Variants in SCUBE1 observed in about 807,000 individuals in gnomAD.
The protein encoded by SCUBE1 is signal peptide, CUB domain and EGF like domain containing 1.
SCUBE1 carries 59 observed loss-of-function variants against 124.4 expected under a neutral mutation model. The ratio of observed to expected loss-of-function variants is 0.47; its 90% CI spans 0.38 to 0.59. The LOEUF is 0.59. Among genes scored for constraint, SCUBE1 ranks in the 20% least tolerant of loss-of-function variants. SCUBE1 has a pLI of 0.00. For missense variants in SCUBE1, 1,150 were observed against 1,371.2 expected (o/e 0.84, Z 2.55); for synonymous variants, 545 against 550.9 (o/e 0.99, Z 0.15).
chr22:43,316,200 A>C (rs184715385), intron 3 of SCUBE1, among the ~76,000 whole-genome samples: 16 of 152,334 alleles, frequency 1.1e-4, no homozygotes. Flanking sequence ...GATAGGGACT[A>C]TGCCTTCCAT....
intron 5 of SCUBE1, among the ~76,000 whole-genome samples, chr22:43,259,520 A>G (rs5751458): frequency 0.43 from 64,678 of 152,046 alleles, 15,362 homozygotes; most frequent in East Asian, 0.86. Flanking sequence ...ACTGGTGGCA[A>G]CTCCCAGAGA....
chr22:43,342,940 G>A (rs1392904237), intron 1 of SCUBE1, among the ~76,000 whole-genome samples: 1 of 151,518 alleles, frequency 6.6e-6, no homozygotes, highest in Non-Finnish European at 1.5e-5. Context: ...CCCCTCCCGG[G>A]GCCCCGGCCC....
At chr22:43,260,368 T>C (rs1219093825) in intron 5 of SCUBE1, among the ~76,000 whole-genome samples, 2 of 152,186 alleles carry the variant, frequency 1.3e-5, no homozygotes, top group Non-Finnish European at 2.9e-5. Context: ...CAAGCTCTGG[T>C]GAGACGGATA....
At chr22:43,307,734 A>T (rs1926024183) in intron 3 of SCUBE1, among the ~76,000 whole-genome samples, 1 of 152,218 alleles carries the variant, frequency 6.6e-6, no homozygotes, top group Non-Finnish European at 1.5e-5. Flanking sequence ...CCCCTGCATG[A>T]TTCCGCTTCG....
chr22:43,341,910 C>T (rs139894458), intron 1 of SCUBE1, among the ~76,000 whole-genome samples: 99 of 152,012 alleles, frequency 6.5e-4, no homozygotes, highest in Non-Finnish European at 1.3e-3. Flanking sequence ...GGGATAGGCA[C>T]GCCCAGGAAC....
chr22:43,260,810 G>C (rs1300579299), intron 5 of SCUBE1, among the ~76,000 whole-genome samples: 1 of 152,260 alleles, frequency 6.6e-6, no homozygotes, highest in Non-Finnish European at 1.5e-5. Flanking sequence ...GGCGGGGGCA[G>C]CTGGGGTGAG....
Position 43,229,118 on chromosome 22 carries a change from G to A in SCUBE1, c.1038C>T (p.Cys346=), listed in dbSNP as rs763113407. 1 of 1,613,996 alleles carries A rather than the reference G, an allele frequency of 6.2e-7. No homozygotes were observed. The highest frequency in any genetic ancestry group is 8.5e-7 in the Non-Finnish European group (1 of 1,180,010). Residue 346 remains cysteine (C), a synonymous_variant, in exon 9 of 22, where the codon TGC becomes TGT. Coordinates refer to ENST00000360835, the MANE Select transcript of SCUBE1 (RefSeq NM_173050.5). Reference sequence around the variant, plus strand: ...AGAGGATGTAGCCGCGGTGACACAGGCACTGGAAGCTGCCCGGGGAGTTGA... The same window carrying A: ...AGAGGATGTAGCCGCGGTGACACAGACACTGGAAGCTGCCCGGGGAGTTGA... ...ICINSPGSFQ[C]LCHRGYILYG...
chr22:43,221,745 A>G (rs1922099531), intron 12 of SCUBE1, among the ~76,000 whole-genome samples: 1 of 152,240 alleles, frequency 6.6e-6, no homozygotes, highest in South Asian at 2.1e-4. Flanking sequence ...ACAGGTGCTT[A>G]GAATCAAATC....
chr22:43,204,935 C>T (rs907239566), intron 21 of SCUBE1, among the ~76,000 whole-genome samples: 4 of 145,176 alleles, frequency 2.8e-5, no homozygotes, highest in Admixed American at 6.9e-5. Flanking sequence ...CAGAGCGAGA[C>T]TGTCTCAAAA....
rs1921056175 is a variant in SCUBE1 at position 43,202,735 on chromosome 22, C to T, written c.*1262G>A. 6.6e-6 allele frequency: 1 copy of T among 152,218 alleles called. No homozygotes were observed. Among genetic ancestry groups the T allele is most frequent in the Non-Finnish European group, 1.5e-5 (1 of 68,056 alleles). 9.4% of individuals were successfully genotyped at this position (152,218 alleles called of 1,614,324 possible). A position where few individuals can be genotyped will look rare whatever the true frequency, so the allele number is the denominator to read the frequency against. On this transcript the variant is annotated 3_prime_UTR_variant, in exon 22 of 22. Transcript: ENST00000360835. The stretch of plus-strand genomic sequence containing the variant: ...AATGTGAGTCAATTCAACCTCTTTC[C>T]TTTATAGGAAGGAAAGAGGTTTCCC...
rs1922150509 is a variant in SCUBE1, at chr22:43,222,771, C to A, written c.1328-29G>T. ...CAGAGAAGCCGGTGGGTGAGGTGGG[C>A]CTGGTGCTCCTCCCTCCCACGGCCC... On this transcript the variant is annotated intron_variant, in intron 11 of 21. Transcript: ENST00000360835. 2.0e-6 allele frequency: 3 copies of A among 1,522,614 alleles called. No individual in the cohort carries two copies. The East Asian group carries it at 7.1e-5, about 36-fold the overall frequency. 94.3% of individuals were successfully genotyped at this position (1,522,614 alleles called of 1,614,324 possible).
At chr22:43,273,117 G>A (rs967852214) in intron 4 of SCUBE1, among the ~76,000 whole-genome samples, 1 of 152,226 alleles carries the variant, frequency 6.6e-6, no homozygotes, top group Non-Finnish European at 1.5e-5. Flanking sequence ...AGACCGAGGA[G>A]GAAGGGTGTC....
chr22:43,237,394 C>A (rs7285846), intron 7 of SCUBE1, among the ~76,000 whole-genome samples: 11 of 152,032 alleles, frequency 7.2e-5, no homozygotes, highest in Non-Finnish European at 1.3e-4. Context: ...CCCTCTGGCC[C>A]TCCGAAGGCA....
At position 43,255,434 on chromosome 22, in the gene SCUBE1, G is replaced by GCA. The variant is rs145804799; in HGVS notation, c.727+2783_727+2784dup. On this transcript the variant is annotated intron_variant, in intron 6 of 21. Coordinates refer to ENST00000360835, the MANE Select transcript of SCUBE1 (RefSeq NM_173050.5). The surrounding 1 kb of genome is among the most constrained non-coding windows in gnomAD (Gnocchi z 4.7). ...CAGTGCGCACCCGAGACACACATGT[G>GCA]CACACACACACACAAGTGCAAGTAC... The GCA allele has an allele frequency of 1.7e-4, 235 of 1,395,884 alleles. No homozygotes were observed. The highest frequency in any genetic ancestry group is 2.0e-4 in the Non-Finnish European group (204 of 1,015,870). The allele number at this position is 1,395,884 out of a possible 1,614,324, so 86.5% of individuals were successfully genotyped here.
chr22:43,338,163 T>C (rs1873359567), intron 2 of SCUBE1, among the ~76,000 whole-genome samples: 1 of 152,168 alleles, frequency 6.6e-6, no homozygotes, highest in Non-Finnish European at 1.5e-5. Context: ...CCATGCAGAC[T>C]CTCATGGACA....
chr22:43,301,920 G>A (rs1192224465), intron 3 of SCUBE1, among the ~76,000 whole-genome samples: 2 of 152,244 alleles, frequency 1.3e-5, no homozygotes, highest in Non-Finnish European at 2.9e-5. Flanking sequence ...GAGCTGCATG[G>A]CCTTCGCTGC....
At chr22:43,271,753 A>T (rs1380181262) in intron 4 of SCUBE1, among the ~76,000 whole-genome samples, 1 of 152,052 alleles carries the variant, frequency 6.6e-6, no homozygotes, top group Non-Finnish European at 1.5e-5. Flanking sequence ...CCCAGGCAGC[A>T]TCCCTAGGGG....
Position 43,255,685 on chromosome 22 carries a change from A to C in SCUBE1, c.727+2534T>G. On this transcript the variant is annotated intron_variant, in intron 6 of 21. Transcript: ENST00000360835. The surrounding 1 kb of genome is among the most constrained non-coding windows in gnomAD (Gnocchi z 4.7). ...GCGTGGCGCACGCAAAGCCAACACA[A>C]CACGCCGGCCAGCTCGGCATCCTCG... The C allele has an allele frequency of 1.1e-6, 1 of 926,752 alleles. No individual in the cohort carries two copies. Among genetic ancestry groups the C allele is most frequent in the Non-Finnish European group, 1.7e-6 (1 of 593,932 alleles). 57.4% of individuals were successfully genotyped at this position (926,752 alleles called of 1,614,324 possible).
intron 15 of SCUBE1, 27 bp downstream of exon 15, chr22:43,218,228 T>C: frequency 6.8e-6 from 11 of 1,607,794 alleles, no homozygotes; most frequent in African/African-American, 1.3e-5. Flanking sequence ...AGAGTCAGCA[T>C]CTGAGTGGCC....
Sources: allele counts gnomAD v4.1 joint callset (sites outside exome capture counted in the v4.1 genomes callset), GRCh38; gene constraint gnomAD v4.1.1; non-coding constraint Gnocchi (gnomAD v3.1); transcripts MANE v1.5; gene names NCBI Gene and HGNC (gene_info 2026-07-23, HGNC 2026-07-21).